The following ESR1 variants were observed in gnomAD, a reference collection of about 807,000 sequenced individuals.
ESR1 encodes estrogen receptor 1, also known as estrogen receptor.
ESR1 carries 12 observed loss-of-function variants against 52.7 expected under a neutral mutation model. The observed-to-expected ratio is 0.23, with a 90% CI of 0.15 to 0.37. The LOEUF (loss-of-function observed/expected upper bound fraction) is 0.37, where lower values mean the gene tolerates loss of function less well. ESR1 is among the 10% of genes least tolerant of loss of function. The pLI is 1.00. For synonymous variants in ESR1, 305 were observed against 316.8 expected, an observed-to-expected ratio of 0.96 and a Z score of 0.39; for missense variants, 584 against 779.7, an observed-to-expected ratio of 0.75 and a Z score of 2.99.
chr6:152,032,144 A>G (rs2044773557), intron 5 of ESR1, among the ~76,000 whole-genome samples: 1 of 152,168 alleles, frequency 6.6e-6, no homozygotes, highest in Non-Finnish European at 1.5e-5. Flanking sequence ...CCTATCTCAA[A>G]ATAATAAGAG....
chr6:151,847,744 A>C (rs545389247), intron 2 of ESR1, among the ~76,000 whole-genome samples: 3,174 of 125,476 alleles, frequency 0.025, 69 homozygotes, highest in East Asian at 0.13. Flanking sequence ...CTTTAGTTTA[A>C]TTAGATCCCA....
At chr6:151,884,033 A>G (rs1793416564) in intron 3 of ESR1, among the ~76,000 whole-genome samples, 1 of 152,192 alleles carries the variant, frequency 6.6e-6, no homozygotes, top group Non-Finnish European at 1.5e-5. Context: ...ACAATTCAGT[A>G]TGTGGCAATA....
At chr6:151,924,145 G>GA (rs2032242002) in intron 3 of ESR1, among the ~76,000 whole-genome samples, 2 of 152,132 alleles carry the variant, frequency 1.3e-5, no homozygotes, top group African/African-American at 4.8e-5. Flanking sequence ...CTGGGTTCAA[G>GA]CAATTCTCTG....
At chr6:151,769,446 C>G (rs551960241) in intron 2 of ESR1, among the ~76,000 whole-genome samples, 2 of 152,264 alleles carry the variant, frequency 1.3e-5, no homozygotes, top group African/African-American at 4.8e-5. Context: ...ACACCCTCCC[C>G]CAACCCTGTA....
intron 2 of ESR1, among the ~76,000 whole-genome samples, chr6:151,706,136 A>G (rs1355763682): frequency 2.0e-5 from 3 of 152,244 alleles, no homozygotes; most frequent in Non-Finnish European, 4.4e-5. Flanking sequence ...GCTAAGACCT[A>G]AGACCCTGCA....
At chr6:151,709,179 A>G (rs1052901174) in intron 2 of ESR1, among the ~76,000 whole-genome samples, 1 of 151,696 alleles carries the variant, frequency 6.6e-6, no homozygotes, top group African/African-American at 2.4e-5. Context: ...TCTACTCTCT[A>G]TGTCTATGAG....
chr6:151,942,630 ATATAT>A (rs1394301015), intron 3 of ESR1, among the ~76,000 whole-genome samples: 2 of 150,976 alleles, frequency 1.3e-5, no homozygotes, highest in African/African-American at 4.9e-5. Context: ...GTGTCATTTA[ATATAT>A]TATATATATA....
upstream of ESR1, chr6:151,805,905 A>T (rs1012268879): frequency 6.6e-6 from 1 of 152,216 alleles, no homozygotes; most frequent in Non-Finnish European, 1.5e-5. Context: ...GTATCCTAGC[A>T]GGGAGATGAG....
intron 1 of ESR1, among the ~76,000 whole-genome samples, chr6:151,696,271 G>C (rs1323844686): frequency 6.6e-6 from 1 of 151,942 alleles, no homozygotes; most frequent in African/African-American, 2.4e-5. Context: ...AGGAGTTTGA[G>C]ACCAGCCTGG....
chr6:151,670,936 T>C (rs146682696), intron 1 of ESR1, among the ~76,000 whole-genome samples: 3,254 of 151,958 alleles, frequency 0.021, 69 homozygotes, highest in African/African-American at 0.051. Flanking sequence ...ACCTGGATAA[T>C]TTTGTATTCT....
At chr6:151,723,926 C>T (rs573233415) in intron 2 of ESR1, among the ~76,000 whole-genome samples, 18 of 151,938 alleles carry the variant, frequency 1.2e-4, no homozygotes, top group African/African-American at 4.3e-4. Context: ...ATAAAATTTT[C>T]TAAAAAATAA....
At chr6:151,747,856 T>G (rs928939512) in intron 2 of ESR1, among the ~76,000 whole-genome samples, 2 of 152,248 alleles carry the variant, frequency 1.3e-5, no homozygotes, top group African/African-American at 4.8e-5. Context: ...TGTATGGATA[T>G]GTACTACATT....
At chr6:151,751,717 A>G (rs895692083) in intron 2 of ESR1, among the ~76,000 whole-genome samples, 5 of 152,178 alleles carry the variant, frequency 3.3e-5, no homozygotes, top group African/African-American at 9.7e-5. Context: ...ATCCTACATA[A>G]ACACAAAAAA....
In ESR1 at chr6:151,677,652, A is replaced by G. The variant is rs1778297289; in HGVS notation, n.73+20889A>G. ...AGCTGACTATAGGACTCCAGTCCCC[A>G]CTGGTTTGTTCTTTGCCACTTGGCA... On this transcript the variant is annotated intron_variant and non_coding_transcript_variant, in intron 1 of 2. Transcript: ENST00000473497. Among the ~76,000 whole-genome samples the G allele has an allele frequency of 6.6e-5, 10 of 152,260 alleles. No homozygotes were observed. The South Asian group carries it at 2.1e-3, about 32-fold the overall frequency.
At chr6:151,763,496 C>CATA (rs1490855449) in intron 2 of ESR1, among the ~76,000 whole-genome samples, 1 of 152,160 alleles carries the variant, frequency 6.6e-6, no homozygotes, top group African/African-American at 2.4e-5. Flanking sequence ...GATGTGCGTA[C>CATA]ATATGTGCGT....
chr6:151,799,210 A>G (rs1776999026), intron 2 of ESR1, among the ~76,000 whole-genome samples: 1 of 152,218 alleles, frequency 6.6e-6, no homozygotes, highest in Non-Finnish European at 1.5e-5. Flanking sequence ...GTTTGGAGAC[A>G]CAGATTCTAT....
intron 5 of ESR1, among the ~76,000 whole-genome samples, chr6:152,028,243 C>A (rs2044330236): frequency 6.6e-6 from 1 of 152,174 alleles, no homozygotes; most frequent in Non-Finnish European, 1.5e-5. Flanking sequence ...ATGATTTTTG[C>A]ATTTCCAAAT....
chr6:151,689,055 A>G (rs1778798014), upstream of ESR1, among the ~76,000 whole-genome samples: 1 of 152,236 alleles, frequency 6.6e-6, no homozygotes, highest in South Asian at 2.1e-4. Flanking sequence ...GAAATAATCT[A>G]TAACCTTCAG....
chr6:151,771,517 AC>A (rs1373422566), intron 2 of ESR1, among the ~76,000 whole-genome samples: 2 of 152,190 alleles, frequency 1.3e-5, no homozygotes, highest in Non-Finnish European at 2.9e-5. Flanking sequence ...TTGCTATTTC[AC>A]CACTGATCAA....
Sources: allele counts gnomAD v4.1 joint callset (sites outside exome capture counted in the v4.1 genomes callset), GRCh38; gene constraint gnomAD v4.1.1; transcripts MANE v1.5; gene names NCBI Gene and HGNC (gene_info 2026-07-23, HGNC 2026-07-21).